Variants in RANBP2 observed in about 807,000 individuals in gnomAD.
RANBP2 encodes RAN binding protein 2.
In RANBP2, 57 loss-of-function variants were observed where a neutral mutation model predicts 303.6. The ratio of observed to expected loss-of-function variants is 0.19; its 90% CI spans 0.15 to 0.23. RANBP2 has a LOEUF of 0.23. Among genes scored for constraint, RANBP2 ranks in the 10% least tolerant of loss-of-function variants. RANBP2 has a pLI of 1.00. For synonymous variants in RANBP2, 1,167 were observed against 1,301.5 expected (o/e 0.90, Z 2.23); for missense variants, 3,138 against 3,780.8 (o/e 0.83, Z 4.46).
the RANBP2 span, among the ~76,000 whole-genome samples, chr2:109,687,889 G>A: frequency 2.6e-5 from 4 of 152,000 alleles, no homozygotes; most frequent in African/African-American, 4.8e-5. Flanking sequence ...GACTACACAC[G>A]TGCACCACCA....
At chr2:109,706,609 A>T in the RANBP2 span, among the ~76,000 whole-genome samples, 1 of 152,266 alleles carries the variant, frequency 6.6e-6, no homozygotes, top group African/African-American at 2.4e-5. Context: ...TCTGTTATTT[A>T]TTATGGGCAT....
the RANBP2 span, among the ~76,000 whole-genome samples, chr2:109,389,644 C>A: frequency 1.3e-5 from 2 of 152,222 alleles, no homozygotes; most frequent in African/African-American, 2.4e-5. Context: ...CTCAAACTTA[C>A]TGAAATTTTA....
At chr2:109,137,046 C>T in the RANBP2 span, among the ~76,000 whole-genome samples, 1 of 152,134 alleles carries the variant, frequency 6.6e-6, no homozygotes, top group Non-Finnish European at 1.5e-5. Context: ...CCAGGGACAG[C>T]GATTGCATTG....
At chr2:108,956,784 C>CTT in the RANBP2 span, among the ~76,000 whole-genome samples, 2,857 of 123,186 alleles carry the variant, frequency 0.023, 51 homozygotes, top group East Asian at 0.1. Flanking sequence ...CGAAAGCTCT[C>CTT]TTTTTTTTTT....
At chr2:108,910,690 A>C in the RANBP2 span, 1 of 1,504,912 alleles carries the variant, frequency 6.6e-7, no homozygotes, top group Non-Finnish European at 9.2e-7. Flanking sequence ...TGAGAGCAGA[A>C]GCAGCGAGGA....
At chr2:109,557,416 T>C in the RANBP2 span, among the ~76,000 whole-genome samples, 1 of 152,148 alleles carries the variant, frequency 6.6e-6, no homozygotes, top group African/African-American at 2.4e-5. Context: ...CCTGACATTC[T>C]AAATAAGAAA....
At chr2:108,796,406 A>T in the RANBP2 span, among the ~76,000 whole-genome samples, 2 of 152,214 alleles carry the variant, frequency 1.3e-5, no homozygotes, top group Non-Finnish European at 1.5e-5. Flanking sequence ...AAGTACAGCC[A>T]CTGTGGAAAA....
the RANBP2 span, among the ~76,000 whole-genome samples, chr2:109,691,051 G>A: frequency 6.6e-6 from 1 of 152,152 alleles, no homozygotes; most frequent in African/African-American, 2.4e-5. Flanking sequence ...CTGCTGCAAG[G>A]CAGGTTCTTT....
At chr2:109,556,658 CT>C in the RANBP2 span, among the ~76,000 whole-genome samples, 24 of 151,014 alleles carry the variant, frequency 1.6e-4, no homozygotes, top group South Asian at 4.8e-3. Context: ...CTGTTGTGAT[CT>C]TTTTTTTTAA....
At chr2:109,594,260 T>C in the RANBP2 span, among the ~76,000 whole-genome samples, 3 of 131,914 alleles carry the variant, frequency 2.3e-5, no homozygotes, top group Admixed American at 8.0e-5. Context: ...ACAATATTAA[T>C]ATGAATGTGG....
Position 108,763,736 on chromosome 2 carries a change from T to G in RANBP2, c.3197T>G (p.Leu1066Arg). The G allele has an allele frequency of 6.2e-7, 1 of 1,614,030 alleles. No homozygotes were observed. The highest frequency in any genetic ancestry group is 8.5e-7 in the Non-Finnish European group (1 of 1,179,952). Residue 1066 changes from leucine (L) to arginine (R), a missense_variant, in exon 20 of 29, where the codon CTT becomes CGT. By Grantham distance (102) the Leu-to-Arg change is moderately radical. Coordinates refer to ENST00000283195, the MANE Select transcript of RANBP2 (RefSeq NM_006267.5). ...GCAGCTTACAGTAACAGTGAAAGCCTTTTAGGTCTCCTGACTTCAGATAAA... is the reference window on the plus strand; with the variant it reads ...GCAGCTTACAGTAACAGTGAAAGCCGTTTAGGTCTCCTGACTTCAGATAAA... ...PPAAYSNSES[L>R]LGLLTSDKPL...
chr2:109,285,536 T>C, the RANBP2 span, among the ~76,000 whole-genome samples: 1 of 152,198 alleles, frequency 6.6e-6, no homozygotes, highest in Non-Finnish European at 1.5e-5. Context: ...GGGCAATCGC[T>C]TGCCTGGCGG....
chr2:109,307,162 G>A, the RANBP2 span, among the ~76,000 whole-genome samples: 1 of 152,220 alleles, frequency 6.6e-6, no homozygotes, highest in Non-Finnish European at 1.5e-5. Flanking sequence ...CTTCATGAGG[G>A]AACATTCACA....
chr2:108,848,543 C>T, the RANBP2 span, among the ~76,000 whole-genome samples: 2 of 152,082 alleles, frequency 1.3e-5, no homozygotes, highest in African/African-American at 4.8e-5. Context: ...ATTCTTCCTG[C>T]CTATGAAGAC....
At chr2:108,812,785 A>C in the RANBP2 span, 1 of 1,611,734 alleles carries the variant, frequency 6.2e-7, no homozygotes, top group African/African-American at 1.3e-5. Flanking sequence ...TTTAGATACA[A>C]TTGTTCTTTA....
the RANBP2 span, among the ~76,000 whole-genome samples, chr2:109,550,755 A>T: frequency 6.6e-6 from 1 of 152,146 alleles, no homozygotes; most frequent in Non-Finnish European, 1.5e-5. Flanking sequence ...TTCACTTAAA[A>T]ATTCCCTCAA....
At chr2:109,267,532 C>T in the RANBP2 span, among the ~76,000 whole-genome samples, 3 of 152,134 alleles carry the variant, frequency 2.0e-5, no homozygotes, top group Non-Finnish European at 2.9e-5. Context: ...TTGATCAGCC[C>T]CACTCCCTTC....
the RANBP2 span, chr2:109,545,307 C>G: frequency 1.1e-5 from 16 of 1,452,890 alleles, no homozygotes; most frequent in Non-Finnish European, 1.4e-5. Flanking sequence ...ACAAGGGACA[C>G]AAAGTACAGA....
At chr2:109,000,862 G>A in the RANBP2 span, among the ~76,000 whole-genome samples, 8 of 152,194 alleles carry the variant, frequency 5.3e-5, no homozygotes, top group East Asian at 9.7e-4. Flanking sequence ...CCCAGGTCAC[G>A]TGCCTAGTCA....
Sources: allele counts gnomAD v4.1 joint callset (sites outside exome capture counted in the v4.1 genomes callset), GRCh38; gene constraint gnomAD v4.1.1; transcripts MANE v1.5; gene names NCBI Gene and HGNC (gene_info 2026-07-23, HGNC 2026-07-21).